SFI1: variants seen among roughly 807,000 people sequenced by gnomAD.
The protein encoded by SFI1 is SFI1 centrin binding protein.
In SFI1, 195 loss-of-function variants were observed where a neutral mutation model predicts 207.5. The observed-to-expected ratio is 0.94, with a 90% CI of 0.84 to 1.06. SFI1 has a LOEUF of 1.06. Ranked by LOEUF, SFI1 falls within the 50% of genes least tolerant of loss-of-function variation. The pLI is 0.00. For synonymous variants in SFI1, 630 were observed against 598.9 expected, an observed-to-expected ratio of 1.05 and a Z score of -0.76; for missense variants, 1,634 against 1,588.0, an observed-to-expected ratio of 1.03 and a Z score of -0.49.
chr22:31,551,557 C>A (rs949963066), intron 6 of SFI1, among the ~76,000 whole-genome samples: 2 of 152,080 alleles, frequency 1.3e-5, no homozygotes, highest in Admixed American at 6.6e-5. Flanking sequence ...TTTTGAAGTT[C>A]AGTTCTAAGA....
chr22:31,580,033 T>G, intron 11 of SFI1: 1 of 425,684 alleles, frequency 2.3e-6, no homozygotes, highest in Non-Finnish European at 4.3e-6. Context: ...GCAGTATAGA[T>G]GGACAGCAGG....
At chr22:31,598,881 C>T (rs2067640078) in intron 15 of SFI1, among the ~76,000 whole-genome samples, 1 of 146,684 alleles carries the variant, frequency 6.8e-6, no homozygotes, top group South Asian at 2.2e-4. Context: ...GCAGCCTCCA[C>T]CTCCCAGGTT....
At chr22:31,575,096 GTGTGTGTGTGTGTGT>G in intron 9 of SFI1, 120 bp from the exon 10 acceptor site, 1 of 298,274 alleles carries the variant, frequency 3.4e-6, no homozygotes, top group Non-Finnish European at 5.2e-6. Context: ...GTGTGTGTGT[GTGTGTGTGTGTGTGT>G]GTGTGTGTGT....
In SFI1 at chr22:31,589,464, G is replaced by A. The variant is rs750490496; in HGVS notation, c.1431G>A (p.Ala477=). Residue 477 remains alanine (A), a synonymous_variant, in exon 15 of 33, where the codon GCG becomes GCA. Coordinates refer to ENST00000400288, the MANE Select transcript of SFI1 (RefSeq NM_001007467.3). ...TACTTTAGCTGCTACAGGCCAGAGC[G>A]GATGGTCATTTCCAGCAGAGAGCCC... The part of the protein sequence containing the change: ...RRYKQLLQAR[A]DGHFQQRALP... 3.2e-5 allele frequency: 52 copies of A among 1,612,426 alleles called. No individual in the cohort carries two copies. Among genetic ancestry groups the A allele is most frequent in the Admixed American group, 6.7e-5 (4 of 59,384 alleles).
intron 5 of SFI1, among the ~76,000 whole-genome samples, chr22:31,549,124 A>G (rs1465867882): frequency 6.6e-6 from 1 of 151,216 alleles, no homozygotes; most frequent in Non-Finnish European, 1.5e-5. Flanking sequence ...CCCCCTCTAC[A>G]AAAAAATACA....
At chr22:31,599,200 A>G (rs1379979429) in intron 15 of SFI1, among the ~76,000 whole-genome samples, 2 of 151,950 alleles carry the variant, frequency 1.3e-5, no homozygotes, top group Non-Finnish European at 2.9e-5. Context: ...TGGAAGCTTT[A>G]TAGTTTTAGC....
At chr22:31,530,956 C>G in intron 3 of SFI1, 102 bp from the exon 4 acceptor site, 1 of 880,834 alleles carries the variant, frequency 1.1e-6, no homozygotes, top group Non-Finnish European at 1.8e-6. Flanking sequence ...TACTAACATC[C>G]CTCTGCTGAG....
At chr22:31,553,806 G>T (rs1420596166) in intron 6 of SFI1, among the ~76,000 whole-genome samples, 2 of 107,712 alleles carry the variant, frequency 1.9e-5, no homozygotes, top group South Asian at 6.3e-4. Context: ...TAATTTTGAT[G>T]AAGTCCATTC....
intron 2 of SFI1, among the ~76,000 whole-genome samples, chr22:31,528,437 CTG>C (rs1214906157): frequency 2.0e-5 from 3 of 152,038 alleles, no homozygotes; most frequent in South Asian, 2.1e-4. Flanking sequence ...CAAAAGAAAA[CTG>C]TGTTAGGCCT....
chr22:31,501,297 G>A (rs1435875862), intron 1 of SFI1, among the ~76,000 whole-genome samples: 2 of 151,124 alleles, frequency 1.3e-5, no homozygotes, highest in East Asian at 1.9e-4. Flanking sequence ...TCAGCCTCCC[G>A]AGTAGCTGGG....
At chr22:31,564,811 A>G (rs1319179716) in intron 8 of SFI1, among the ~76,000 whole-genome samples, 2 of 108,208 alleles carry the variant, frequency 1.8e-5, no homozygotes, top group Admixed American at 9.7e-5. Context: ...TGCCTGGCCC[A>G]GAATTTTTTT....
chr22:31,618,378 G>A lies in SFI1; in HGVS notation c.3689G>A (p.Cys1230Tyr), dbSNP rs978223255. 1 of 1,605,366 alleles carries A rather than the reference G, an allele frequency of 6.2e-7. No homozygotes were observed. Among genetic ancestry groups the A allele is most frequent in the Admixed American group, 1.7e-5 (1 of 59,760 alleles). Reference protein sequence around the residue: ...LQAQRQPIGACVARIQALRQA... With the variant: ...LQAQRQPIGAYVARIQALRQA... ...GCTCAGCGCCAGCCCATTGGCGCCT[G>A]CGTTGCCCGCATCCAGGCCCTGCGG... is the stretch of plus-strand genomic sequence containing the variant. Residue 1230 changes from cysteine to tyrosine, a missense_variant, in exon 33 of 33, where the codon TGC becomes TAC. Cys to Tyr is a radical substitution (Grantham distance 194, BLOSUM62 -2). Coordinates refer to ENST00000400288, the MANE Select transcript of SFI1 (RefSeq NM_001007467.3).
intron 21 of SFI1, chr22:31,606,693 C>CTTTTTTT (rs10524692): frequency 0.012 from 1,433 of 114,820 alleles, 1 homozygote; most frequent in Non-Finnish European, 0.015. Context: ...TTCTTTTTTT[C>CTTTTTTT]TTTTTTTTTT....
Position 31,575,195 on chromosome 22 carries a change from T to C in SFI1, c.923-36T>C. 2 of 1,561,748 alleles carry C rather than the reference T, an allele frequency of 1.3e-6. 1 individual carries two copies. Among genetic ancestry groups the C allele is most frequent in the Non-Finnish European group, 1.7e-6 (2 of 1,153,252 alleles). On this transcript the variant is annotated intron_variant, in intron 9 of 32. Transcript: ENST00000400288. ...AAGATGTTTCCAGCTCATCTAACCT[T>C]AGGGGAGTAGCACTTAAGTTATTTC...
At chr22:31,600,140 A>T (rs1603302506) in intron 15 of SFI1, among the ~76,000 whole-genome samples, 1 of 152,160 alleles carries the variant, frequency 6.6e-6, no homozygotes, top group East Asian at 1.9e-4. Context: ...CTCCTGCCTC[A>T]GCCTCCTGAA....
At chr22:31,573,252 T>C (rs1382257798) in intron 9 of SFI1, 38 bp downstream of exon 9, 3 of 1,605,234 alleles carry the variant, frequency 1.9e-6, no homozygotes, top group Non-Finnish European at 2.6e-6. Context: ...ATAGAGGATC[T>C]GGTCACAGTT....
chr22:31,511,355 T>C (rs147875385), intron 2 of SFI1, among the ~76,000 whole-genome samples: 14 of 152,218 alleles, frequency 9.2e-5, no homozygotes, highest in African/African-American at 3.1e-4. Flanking sequence ...CAGTGTTTAC[T>C]ACATGGTCCG....
At position 31,613,458 on chromosome 22, in the gene SFI1, C is replaced by G. The variant is rs750532544; in HGVS notation, c.2670C>G (p.Ala890=). 32 of 1,605,316 alleles carry G rather than the reference C, an allele frequency of 2.0e-5. No homozygotes were observed. Among genetic ancestry groups the G allele is most frequent in the Admixed American group, 6.7e-5 (4 of 59,800 alleles). The stretch of plus-strand genomic sequence containing the variant: ...AGGGGCAGCTCCTCCAGGAGGGTGC[C>G]ACGCGGCTCCTGCGCTTTGCAGCCA... ...AYQGQLLQEG[A]TRLLRFAASM... is the part of the protein sequence containing the mutation. The change falls in exon 26 of 33, where the codon GCC becomes GCG. Residue 890 remains alanine, a synonymous_variant. Coordinates refer to ENST00000400288, the MANE Select transcript of SFI1 (RefSeq NM_001007467.3).
chr22:31,580,911 T>C (rs76079395), intron 12 of SFI1, among the ~76,000 whole-genome samples: 2 of 152,168 alleles, frequency 1.3e-5, no homozygotes, highest in Non-Finnish European at 2.9e-5. Context: ...CCCATTTTTT[T>C]ATCTATTTGC....
Sources: gnomAD v4.1 joint callset for allele counts (sites outside exome capture counted in the v4.1 genomes callset) on GRCh38, gnomAD v4.1.1 for gene constraint, MANE v1.5 for transcripts, NCBI Gene and HGNC (gene_info 2026-07-23, HGNC 2026-07-21) for gene names.